The following ATP10B variants were observed in gnomAD, a reference collection of about 807,000 sequenced individuals.
ATP10B encodes the protein phospholipid-transporting ATPase VB.
Under a neutral mutation model 141.2 loss-of-function variants are expected in ATP10B, and 122 were observed. The ratio of observed to expected loss-of-function variants is 0.86; its 90% CI spans 0.75 to 1.00. The LOEUF (loss-of-function observed/expected upper bound fraction) is 1.00, where lower values mean the gene tolerates loss of function less well. Ranked by LOEUF, ATP10B falls within the 50% of genes least tolerant of loss-of-function variation. The pLI is 0.00. For missense variants in ATP10B, 1,876 were observed against 1,825.3 expected, an observed-to-expected ratio of 1.03 and a Z score of -0.51; for synonymous variants, 685 against 692.0, an observed-to-expected ratio of 0.99 and a Z score of 0.16.
chr5:160,755,502 G>T (rs1279813530), intron 2 of ATP10B, among the ~76,000 whole-genome samples: 1 of 151,848 alleles, frequency 6.6e-6, no homozygotes, highest in Non-Finnish European at 1.5e-5. Flanking sequence ...ATATTATATT[G>T]TATAATCTAA....
At chr5:160,912,443 A>G in the ATP10B span, among the ~76,000 whole-genome samples, 1 of 138,752 alleles carries the variant, frequency 7.2e-6, no homozygotes, top group Admixed American at 7.2e-5. Flanking sequence ...AAAAAAAAAG[A>G]GAAAACTTAG....
At position 160,598,872 on chromosome 5, in the gene ATP10B, AAAG is replaced by A; in HGVS notation, c.3459_3461del (p.Phe1154del). On this transcript the variant is annotated inframe_deletion, in exon 22 of 26. Transcript: ENST00000327245. ...CAAAGACAAGAGGAGGCAAGGAGGT[AAAG>A]AAGAGATTGAAGAATATCATCTGCC... 4.3e-6 allele frequency: 7 copies of A among 1,614,200 alleles called. No individual in the cohort carries two copies. In the Middle Eastern group the frequency reaches 8.3e-4, roughly 190 times the overall value.
the ATP10B span, among the ~76,000 whole-genome samples, chr5:160,919,870 G>A: frequency 3.3e-5 from 5 of 152,210 alleles, no homozygotes; most frequent in Non-Finnish European, 7.3e-5. Flanking sequence ...TAATATCAGA[G>A]CTAGGAATGA....
the ATP10B span, among the ~76,000 whole-genome samples, chr5:160,857,962 GAATGAATATT>G: frequency 1.3e-5 from 2 of 151,738 alleles, no homozygotes; most frequent in African/African-American, 4.8e-5. Flanking sequence ...CACTTAAAGA[GAATGAATATT>G]CTACTTTTCT....
At chr5:160,833,993 A>C (rs371648027) in intron 1 of ATP10B, among the ~76,000 whole-genome samples, 2 of 152,112 alleles carry the variant, frequency 1.3e-5, no homozygotes, top group African/African-American at 4.8e-5. Context: ...GGGCAGTCAT[A>C]CAACATGAAT....
chr5:160,796,919 AT>A (rs1413856778), intron 1 of ATP10B, among the ~76,000 whole-genome samples: 3 of 152,044 alleles, frequency 2.0e-5, no homozygotes, highest in African/African-American at 7.2e-5. Context: ...GAATATCAGG[AT>A]TTTCTTTAAC....
intron 6 of ATP10B, among the ~76,000 whole-genome samples, chr5:160,681,591 C>T (rs183650663): frequency 2.7e-3 from 408 of 152,266 alleles, no homozygotes; most frequent in African/African-American, 5.9e-3. Context: ...GCCTGGGCAA[C>T]GTACCAAGAC....
the ATP10B span, among the ~76,000 whole-genome samples, chr5:160,879,569 G>T: frequency 1.3e-5 from 2 of 151,634 alleles, no homozygotes; most frequent in East Asian, 3.9e-4. Flanking sequence ...GCCAGGCGCG[G>T]TGGCTCTCGC....
chr5:160,828,726 T>C (rs985688220), intron 1 of ATP10B, among the ~76,000 whole-genome samples: 1 of 151,996 alleles, frequency 6.6e-6, no homozygotes, highest in Non-Finnish European at 1.5e-5. Context: ...CAAAGGACTA[T>C]AAATCATGCT....
At chr5:160,668,871 A>G (rs1346331885) in intron 7 of ATP10B, among the ~76,000 whole-genome samples, 1 of 152,236 alleles carries the variant, frequency 6.6e-6, no homozygotes, top group Non-Finnish European at 1.5e-5. Flanking sequence ...AATCAATCAC[A>G]CAAAAAGGGT....
chr5:160,805,206 C>T (rs1283152839), intron 1 of ATP10B, among the ~76,000 whole-genome samples: 1 of 152,144 alleles, frequency 6.6e-6, no homozygotes, highest in Admixed American at 6.5e-5. Context: ...GTTTATGTAT[C>T]ATTTTTAGGA....
intron 2 of ATP10B, among the ~76,000 whole-genome samples, chr5:160,735,873 C>T (rs1454102650): frequency 6.6e-6 from 1 of 151,994 alleles, no homozygotes; most frequent in Non-Finnish European, 1.5e-5. Context: ...GGAAATTAAA[C>T]AATGTGCTCC....
chr5:160,595,824 C>A (rs1233267707), intron 22 of ATP10B, among the ~76,000 whole-genome samples: 3 of 150,862 alleles, frequency 2.0e-5, no homozygotes, highest in Non-Finnish European at 4.4e-5. Context: ...CACATACACC[C>A]TCCCAATACT....
intron 2 of ATP10B, among the ~76,000 whole-genome samples, chr5:160,726,952 G>C (rs1766410428): frequency 6.6e-6 from 1 of 152,082 alleles, no homozygotes; most frequent in South Asian, 2.1e-4. Context: ...GGTGGGGTGG[G>C]GGACTTGCTT....
At chr5:160,797,173 C>T (rs1450504625) in intron 1 of ATP10B, among the ~76,000 whole-genome samples, 1 of 152,152 alleles carries the variant, frequency 6.6e-6, no homozygotes, top group Admixed American at 6.5e-5. Flanking sequence ...CTGCATCTTC[C>T]CTGATTGCCT....
chr5:160,894,194 G>C, the ATP10B span, among the ~76,000 whole-genome samples: 1 of 152,072 alleles, frequency 6.6e-6, no homozygotes. Flanking sequence ...GTTGGAGAAT[G>C]AGTTTGATGA....
chr5:160,682,980 A>T (rs1296296726), intron 6 of ATP10B, among the ~76,000 whole-genome samples: 1 of 138,146 alleles, frequency 7.2e-6, no homozygotes, highest in Non-Finnish European at 1.5e-5. Flanking sequence ...TGGAGCTTGC[A>T]GTGAGCTGTG....
chr5:160,842,811 CA>C (rs1359940999), intron 1 of ATP10B, among the ~76,000 whole-genome samples: 2 of 149,288 alleles, frequency 1.3e-5, no homozygotes, highest in African/African-American at 5.1e-5. Context: ...AACATTCCCA[CA>C]CACACACACA....
At chr5:160,867,054 G>A in the ATP10B span, among the ~76,000 whole-genome samples, 1 of 152,056 alleles carries the variant, frequency 6.6e-6, no homozygotes, top group Non-Finnish European at 1.5e-5. Flanking sequence ...TCATGTACTA[G>A]CTATATGTTC....
Sources: allele counts gnomAD v4.1 joint callset (sites outside exome capture counted in the v4.1 genomes callset), GRCh38; gene constraint gnomAD v4.1.1; transcripts MANE v1.5; gene names NCBI Gene and HGNC (gene_info 2026-07-23, HGNC 2026-07-21).